Variants in SOBP observed in about 807,000 individuals in gnomAD.
The protein encoded by SOBP is sine oculis binding protein homolog.
Under a neutral mutation model 53.6 loss-of-function variants are expected in SOBP, and 4 were observed. The ratio of observed to expected loss-of-function variants is 0.07; its 90% CI spans 0.04 to 0.17. SOBP has a LOEUF of 0.17. Ranked by LOEUF, SOBP falls within the 10% of genes least tolerant of loss-of-function variation. The pLI, the probability that SOBP is intolerant of heterozygous loss-of-function variation, is 1.00. For missense variants in SOBP, 1,088 were observed against 1,204.7 expected (o/e 0.90, Z 1.43); for synonymous variants, 584 against 522.6 (o/e 1.12, Z -1.60).
intron 3 of SOBP, among the ~76,000 whole-genome samples, chr6:107,532,267 AC>A (rs1562594132): frequency 6.1e-5 from 9 of 148,752 alleles, no homozygotes; most frequent in African/African-American, 2.0e-4. Context: ...ACACACACAC[AC>A]ACACCACACA....
intron 6 of SOBP, among the ~76,000 whole-genome samples, chr6:107,641,326 A>G (rs191482515): frequency 2.4e-4 from 36 of 152,326 alleles, no homozygotes; most frequent in Admixed American, 1.8e-3. Flanking sequence ...TCAAGTTACC[A>G]TTTCCCACAA....
intron 6 of SOBP, among the ~76,000 whole-genome samples, chr6:107,638,160 C>G (rs1195518825): frequency 6.6e-6 from 1 of 152,168 alleles, no homozygotes; most frequent in Non-Finnish European, 1.5e-5. Context: ...CAACCTGCCA[C>G]AATTTACTCA....
intron 3 of SOBP, among the ~76,000 whole-genome samples, chr6:107,509,100 A>G (rs1005570263): frequency 4.6e-5 from 7 of 152,230 alleles, no homozygotes; most frequent in Non-Finnish European, 7.3e-5. Flanking sequence ...ATGAGATAAG[A>G]AAATGTATGT....
intron 3 of SOBP, among the ~76,000 whole-genome samples, chr6:107,519,514 C>G (rs911971586): frequency 4.6e-5 from 7 of 152,128 alleles, no homozygotes; most frequent in Non-Finnish European, 8.8e-5. Flanking sequence ...TTACTTGCCT[C>G]GCACCTGTGG....
intron 4 of SOBP, among the ~76,000 whole-genome samples, chr6:107,564,136 G>A (rs1050460043): frequency 4.6e-5 from 7 of 152,156 alleles, no homozygotes; most frequent in African/African-American, 7.2e-5. Flanking sequence ...AAATGTGCGC[G>A]CGTTTCCCTA....
intron 5 of SOBP, among the ~76,000 whole-genome samples, chr6:107,629,165 A>G (rs890922548): frequency 1.3e-5 from 2 of 152,144 alleles, no homozygotes; most frequent in South Asian, 4.1e-4. Context: ...TGAAGTGGAA[A>G]GCACGTGAAG....
chr6:107,569,587 G>A (rs779641017), intron 4 of SOBP, among the ~76,000 whole-genome samples: 6 of 152,206 alleles, frequency 3.9e-5, no homozygotes, highest in Non-Finnish European at 7.3e-5. Context: ...ATAAGTCACA[G>A]TCTAGCTTCT....
chr6:107,609,432 A>T (rs1304037557), intron 5 of SOBP, among the ~76,000 whole-genome samples: 1 of 152,030 alleles, frequency 6.6e-6, no homozygotes, highest in African/African-American at 2.4e-5. Context: ...CAGGTTGTAT[A>T]CTCTTAGGCT....
In SOBP at chr6:107,625,309, G is replaced by A. The variant is rs140853250; in HGVS notation, c.670-8205G>A. On this transcript the variant is annotated intron_variant, in intron 5 of 6. Transcript: ENST00000317357. ...ACCAGGGGCTGAGTTGGGCAACTTA[G>A]GGTGCCCACAGGTAGGTTCAGGCTA... 3.3e-5 allele frequency among the ~76,000 whole-genome samples: 5 copies of A among 152,314 alleles called. No individual in the cohort carries two copies. The East Asian group carries it at 9.6e-4, about 29-fold the overall frequency.
intron 3 of SOBP, among the ~76,000 whole-genome samples, chr6:107,521,560 C>A (rs1349633720): frequency 6.6e-6 from 1 of 152,158 alleles, no homozygotes; most frequent in Non-Finnish European, 1.5e-5. Context: ...TACACTTAAC[C>A]ACCTAAGCCC....
intron 6 of SOBP, among the ~76,000 whole-genome samples, chr6:107,646,404 C>G (rs1241151306): frequency 6.6e-6 from 1 of 152,214 alleles, no homozygotes; most frequent in Non-Finnish European, 1.5e-5. Flanking sequence ...AGAGGCCCCA[C>G]CCTTCTGACC....
intron 5 of SOBP, among the ~76,000 whole-genome samples, chr6:107,617,490 G>C (rs988491784): frequency 6.6e-6 from 1 of 152,194 alleles, no homozygotes; most frequent in Non-Finnish European, 1.5e-5. Flanking sequence ...GATGTCTTAA[G>C]CTAAGAACAC....
At chr6:107,516,181 G>A (rs924324007) in intron 3 of SOBP, among the ~76,000 whole-genome samples, 2 of 152,074 alleles carry the variant, frequency 1.3e-5, no homozygotes, top group Non-Finnish European at 2.9e-5. Flanking sequence ...ATCATTATGG[G>A]CCAGGCACAA....
intron 3 of SOBP, among the ~76,000 whole-genome samples, chr6:107,521,341 A>G (rs1389765088): frequency 6.6e-6 from 1 of 152,148 alleles, no homozygotes; most frequent in Non-Finnish European, 1.5e-5. Flanking sequence ...CCTTAATAAT[A>G]AGGAATGATG....
At chr6:107,639,031 C>A (rs947745187) in intron 6 of SOBP, among the ~76,000 whole-genome samples, 3 of 152,038 alleles carry the variant, frequency 2.0e-5, no homozygotes, top group African/African-American at 7.2e-5. Flanking sequence ...GCCTCCTGAG[C>A]AGCTGGGATT....
chr6:107,495,226 C>A (rs954216438), intron 1 of SOBP, among the ~76,000 whole-genome samples: 3 of 152,194 alleles, frequency 2.0e-5, no homozygotes, highest in African/African-American at 7.2e-5. Context: ...GGGCACATAG[C>A]CCTGGCCTCT....
chr6:107,560,597 C>T (rs1393695258), intron 4 of SOBP, among the ~76,000 whole-genome samples: 1 of 152,154 alleles, frequency 6.6e-6, no homozygotes, highest in Non-Finnish European at 1.5e-5. Context: ...TTAAAGTTTT[C>T]ACTATATTAG....
At chr6:107,511,980 A>G (rs1295920838) in intron 3 of SOBP, among the ~76,000 whole-genome samples, 3 of 151,660 alleles carry the variant, frequency 2.0e-5, no homozygotes, top group Non-Finnish European at 4.4e-5. Context: ...GAAGGGAATC[A>G]CCATGATCCT....
chr6:107,582,952 T>C (rs2115054299), intron 4 of SOBP, among the ~76,000 whole-genome samples: 1 of 152,366 alleles, frequency 6.6e-6, no homozygotes, highest in South Asian at 2.1e-4. Context: ...GTTGTTACCA[T>C]GAGCCAGTGA....
Sources: gnomAD v4.1 joint callset for allele counts (sites outside exome capture counted in the v4.1 genomes callset) on GRCh38, gnomAD v4.1.1 for gene constraint, MANE v1.5 for transcripts, NCBI Gene and HGNC (gene_info 2026-07-23, HGNC 2026-07-21) for gene names.